SPATA17: variants seen among roughly 807,000 people sequenced by gnomAD.
The protein encoded by SPATA17 is spermatogenesis-associated protein 17.
A neutral mutation model predicts 62.2 loss-of-function variants in SPATA17; 53 were observed. That is an observed-to-expected ratio of 0.85 (90% CI 0.68 to 1.07). SPATA17 has a LOEUF of 1.07. SPATA17 is among the 50% of genes least tolerant of loss of function. The probability of loss-of-function intolerance (pLI) is 0.00; values close to 1 mark genes in which losing one functional copy is unlikely to be tolerated. For missense variants in SPATA17, 466 were observed against 425.5 expected (o/e 1.10, Z -0.84); for synonymous variants, 146 against 146.8 (o/e 0.99, Z 0.04).
At chr1:217,861,242 G>C (rs1675891471) in intron 9 of SPATA17, among the ~76,000 whole-genome samples, 1 of 151,622 alleles carries the variant, frequency 6.6e-6, no homozygotes, top group South Asian at 2.1e-4. Flanking sequence ...AAAAATAAAA[G>C]GTTTTATTTC....
chr1:217,782,447 T>A, intron 8 of SPATA17, 125 bp downstream of exon 8: 1 of 1,051,698 alleles, frequency 9.5e-7, no homozygotes, highest in Non-Finnish European at 1.3e-6. Context: ...ACCCCTGACC[T>A]GTTCCAAAGC....
At chr1:217,713,620 T>C (rs1671929800) in intron 5 of SPATA17, among the ~76,000 whole-genome samples, 1 of 152,172 alleles carries the variant, frequency 6.6e-6, no homozygotes, top group African/African-American at 2.4e-5. Context: ...CTCTGAGGCC[T>C]AGGCTTTTTC....
At chr1:217,705,011 A>G (rs1310655969) in intron 5 of SPATA17, among the ~76,000 whole-genome samples, 1 of 152,212 alleles carries the variant, frequency 6.6e-6, no homozygotes, top group East Asian at 1.9e-4. Flanking sequence ...ACTAATTTAC[A>G]TTCCCACCAG....
intron 5 of SPATA17, among the ~76,000 whole-genome samples, chr1:217,699,520 T>C (rs1423656006): frequency 6.6e-6 from 1 of 152,200 alleles, no homozygotes; most frequent in Non-Finnish European, 1.5e-5. Flanking sequence ...AGAACTGTCT[T>C]TTCATGTGTT....
At chr1:217,814,844 T>C (rs918425080) in intron 9 of SPATA17, among the ~76,000 whole-genome samples, 1 of 152,060 alleles carries the variant, frequency 6.6e-6, no homozygotes, top group East Asian at 1.9e-4. Flanking sequence ...AAATACCTCA[T>C]CTCTTAAAAA....
At chr1:217,704,936 G>A (rs1000088551) in intron 5 of SPATA17, among the ~76,000 whole-genome samples, 14 of 152,132 alleles carry the variant, frequency 9.2e-5, no homozygotes, top group African/African-American at 2.2e-4. Context: ...GGGATTGCTC[G>A]GTTGAGTGGT....
At chr1:217,801,695 T>G in intron 8 of SPATA17, 23 bp from the exon 9 acceptor site, 1 of 1,572,784 alleles carries the variant, frequency 6.4e-7, no homozygotes, top group African/African-American at 1.4e-5. Flanking sequence ...AAGTTAAGAA[T>G]AGCTCTTAAA....
At chr1:217,685,185 A>G (rs1015082865) in intron 5 of SPATA17, among the ~76,000 whole-genome samples, 4 of 152,152 alleles carry the variant, frequency 2.6e-5, no homozygotes, top group African/African-American at 9.7e-5. Flanking sequence ...GCTCACTCTC[A>G]GGGTCACACG....
intron 5 of SPATA17, among the ~76,000 whole-genome samples, chr1:217,730,593 G>C (rs1369235632): frequency 1.3e-5 from 2 of 151,864 alleles, no homozygotes; most frequent in Non-Finnish European, 2.9e-5. Context: ...TTTTTGTAGT[G>C]ATCTTTAGAG....
chr1:217,641,283 T>G (rs1670056684), intron 1 of SPATA17, among the ~76,000 whole-genome samples: 1 of 152,120 alleles, frequency 6.6e-6, no homozygotes, highest in Non-Finnish European at 1.5e-5. Flanking sequence ...ACCCCAGCTT[T>G]CTTTTGGAGG....
intron 4 of SPATA17, among the ~76,000 whole-genome samples, chr1:217,673,178 G>A (rs1480037793): frequency 6.6e-6 from 1 of 152,072 alleles, no homozygotes; most frequent in African/African-American, 2.4e-5. Flanking sequence ...GTAAAATTTA[G>A]TTTGTGCAGT....
chr1:217,865,227 A>C (rs1443090339), intron 10 of SPATA17, among the ~76,000 whole-genome samples: 1 of 152,212 alleles, frequency 6.6e-6, no homozygotes, highest in Non-Finnish European at 1.5e-5. Context: ...TTTTAGAGCT[A>C]TCTATTTGAT....
chr1:217,835,254 A>G (rs1035517885), intron 9 of SPATA17, among the ~76,000 whole-genome samples: 5 of 152,090 alleles, frequency 3.3e-5, no homozygotes, highest in Admixed American at 3.3e-4. Flanking sequence ...CATTGCATTT[A>G]TGTGTTTCGG....
intron 9 of SPATA17, among the ~76,000 whole-genome samples, chr1:217,830,752 C>T (rs752969200): frequency 3.3e-5 from 5 of 152,034 alleles, no homozygotes; most frequent in Non-Finnish European, 5.9e-5. Flanking sequence ...AGATTGATAA[C>T]GGTGTTATTA....
At chr1:217,816,454 C>T (rs994633293) in intron 9 of SPATA17, among the ~76,000 whole-genome samples, 1 of 151,578 alleles carries the variant, frequency 6.6e-6, no homozygotes, top group African/African-American at 2.4e-5. Context: ...ATATCATCTG[C>T]ACATATTTAT....
chr1:217,674,841 G>C (rs1160322520), intron 4 of SPATA17, among the ~76,000 whole-genome samples: 1 of 152,176 alleles, frequency 6.6e-6, no homozygotes, highest in Non-Finnish European at 1.5e-5. Flanking sequence ...ACCTGAAGTT[G>C]GGTCGTCTCC....
At chr1:217,731,034 A>T (rs1049549398) in intron 5 of SPATA17, among the ~76,000 whole-genome samples, 7 of 152,136 alleles carry the variant, frequency 4.6e-5, no homozygotes, top group Non-Finnish European at 1.0e-4. Context: ...TCTTTGAAGC[A>T]TAAAGGCACT....
chr1:217,850,262 C>T, intron 9 of SPATA17: 1 of 322,364 alleles, frequency 3.1e-6, no homozygotes. Flanking sequence ...TTAATGCTAC[C>T]ATGCAACAAA....
chr1:217,737,113 T>C (rs1176529388), intron 5 of SPATA17, among the ~76,000 whole-genome samples: 1 of 152,206 alleles, frequency 6.6e-6, no homozygotes, highest in Non-Finnish European at 1.5e-5. Flanking sequence ...GCAAAGATTT[T>C]GGAGTCAAAC....
Sources: gnomAD v4.1 joint callset for allele counts (sites outside exome capture counted in the v4.1 genomes callset) on GRCh38, gnomAD v4.1.1 for gene constraint, MANE v1.5 for transcripts, NCBI Gene and HGNC (gene_info 2026-07-23, HGNC 2026-07-21) for gene names.